Variants in SLC35F1 observed in about 807,000 individuals in gnomAD.
SLC35F1 encodes chromosome 6 open reading frame 169.
In SLC35F1, 14 loss-of-function variants were observed where a neutral mutation model predicts 48.7. That is an observed-to-expected ratio of 0.29 (90% CI 0.19 to 0.45). SLC35F1 has a LOEUF of 0.45. Ranked by LOEUF, SLC35F1 falls within the 20% of genes least tolerant of loss-of-function variation. The probability of loss-of-function intolerance (pLI) is 1.00; values close to 1 mark genes in which losing one functional copy is unlikely to be tolerated. For missense variants in SLC35F1, 404 were observed against 500.0 expected (o/e 0.81, Z 1.83); for synonymous variants, 190 against 202.2 (o/e 0.94, Z 0.51).
chr6:118,099,644 A>T (rs1166868340), intron 1 of SLC35F1, among the ~76,000 whole-genome samples: 1 of 152,116 alleles, frequency 6.6e-6, no homozygotes, highest in Non-Finnish European at 1.5e-5. Context: ...GGCTGAAGGG[A>T]GTAACCCCAA....
chr6:117,917,047 G>A (rs1775835786), intron 1 of SLC35F1, among the ~76,000 whole-genome samples: 1 of 152,200 alleles, frequency 6.6e-6, no homozygotes, highest in African/African-American at 2.4e-5. Context: ...GAATCAAAGT[G>A]GGGTGATGTG....
intron 1 of SLC35F1, among the ~76,000 whole-genome samples, chr6:117,950,863 T>A (rs1057085721): frequency 6.6e-6 from 1 of 152,194 alleles, no homozygotes; most frequent in Non-Finnish European, 1.5e-5. Context: ...TGTTGAGACA[T>A]CAATGTTGAT....
chr6:117,998,867 T>C (rs1000073250), intron 1 of SLC35F1: 3 of 619,146 alleles, frequency 4.8e-6, no homozygotes, highest in South Asian at 1.8e-5. Flanking sequence ...TTAAAAGAAC[T>C]AGAAAAGCAA....
chr6:117,936,471 A>C (rs1453253688), intron 1 of SLC35F1, among the ~76,000 whole-genome samples: 1 of 152,184 alleles, frequency 6.6e-6, no homozygotes, highest in African/African-American at 2.4e-5. Flanking sequence ...AGTGTCTCAG[A>C]GTTGCTCTCA....
At chr6:118,143,437 C>G (rs961755717) in intron 1 of SLC35F1, among the ~76,000 whole-genome samples, 8 of 152,276 alleles carry the variant, frequency 5.3e-5, no homozygotes, top group Middle Eastern at 6.8e-3. Context: ...AGTCAAAGTT[C>G]CTATTTAAAA....
chr6:118,128,488 A>G (rs1266193386), intron 1 of SLC35F1, among the ~76,000 whole-genome samples: 1 of 151,976 alleles, frequency 6.6e-6, no homozygotes, highest in Admixed American at 6.6e-5. Flanking sequence ...GCCATAAAAA[A>G]TGATGAGTTC....
intron 1 of SLC35F1, among the ~76,000 whole-genome samples, chr6:118,025,599 T>G (rs992177045): frequency 3.9e-5 from 6 of 152,204 alleles, no homozygotes; most frequent in African/African-American, 1.2e-4. Flanking sequence ...ACTTGGAATT[T>G]CTCTAGTGTG....
rs540774115 is a variant in SLC35F1 at position 117,996,937 on chromosome 6, G to A, written c.173+89038G>A. ...AAGCTGGACGGAGAATGACTTTGACGAGTTGAGAGAAGAAGGCTTCAGACG... is the reference window on the plus strand; with the variant it reads ...AAGCTGGACGGAGAATGACTTTGACAAGTTGAGAGAAGAAGGCTTCAGACG... On this transcript the variant is annotated intron_variant, in intron 1 of 7. Transcript: ENST00000360388. 1.3e-3 allele frequency among the ~76,000 whole-genome samples: 201 copies of A among 152,330 alleles called. 1 individual carries two copies. Among genetic ancestry groups the A allele is most frequent in the African/African-American group, 4.7e-3 (195 of 41,580 alleles).
At chr6:118,100,774 C>T (rs903213422) in intron 1 of SLC35F1, among the ~76,000 whole-genome samples, 1 of 152,132 alleles carries the variant, frequency 6.6e-6, no homozygotes. Context: ...CACTCTCCAG[C>T]CCCACTCTAT....
intron 1 of SLC35F1, among the ~76,000 whole-genome samples, chr6:117,952,500 A>G (rs1360375706): frequency 2.6e-5 from 4 of 152,198 alleles, no homozygotes; most frequent in Admixed American, 6.6e-5. Context: ...ATCACCTGAC[A>G]TTAACTTGGC....
At position 117,907,643 on chromosome 6, in the gene SLC35F1, CCTCTGCGCGTTCCCGGG is replaced by C; in HGVS notation, c.-82_-66del. 1.3e-5 allele frequency: 10 copies of C among 799,906 alleles called. No homozygotes were observed. The highest frequency in any genetic ancestry group is 1.4e-5 in the Non-Finnish European group (8 of 556,866). 49.6% of individuals were successfully genotyped at this position (799,906 alleles called of 1,614,324 possible). A position where few individuals can be genotyped will look rare whatever the true frequency, so the allele number is the denominator to read the frequency against. ...CCGGGCCGCGGCCGCCCGGCCGGGT[CCTCTGCGCGTTCCCGGG>C]CCCGGAACCGGCACACGATGCACCC... On this transcript the variant is annotated 5_prime_UTR_variant, in exon 1 of 8. Transcript: ENST00000360388.
At chr6:118,139,153 C>T (rs1283711543) in intron 1 of SLC35F1, among the ~76,000 whole-genome samples, 1 of 152,088 alleles carries the variant, frequency 6.6e-6, no homozygotes, top group Non-Finnish European at 1.5e-5. Context: ...CGCTCTAGTG[C>T]CCAGGCTGGA....
chr6:117,932,008 G>C (rs763709481), intron 1 of SLC35F1, among the ~76,000 whole-genome samples: 2 of 152,136 alleles, frequency 1.3e-5, no homozygotes, highest in Non-Finnish European at 2.9e-5. Context: ...AAGGTGATTA[G>C]GCCATGAGAG....
intron 1 of SLC35F1, among the ~76,000 whole-genome samples, chr6:117,971,148 C>T (rs575628773): frequency 2.0e-5 from 3 of 152,318 alleles, no homozygotes; most frequent in African/African-American, 7.2e-5. Context: ...TAAATACACC[C>T]ATTCCAAGTG....
intron 1 of SLC35F1, among the ~76,000 whole-genome samples, chr6:117,958,779 G>A (rs540127909): frequency 1.3e-5 from 2 of 152,280 alleles, no homozygotes; most frequent in South Asian, 2.1e-4. Flanking sequence ...TTTCCTCATT[G>A]TTAAGCTACA....
intron 1 of SLC35F1, among the ~76,000 whole-genome samples, chr6:118,100,405 C>T (rs745798719): frequency 1.9e-4 from 29 of 152,108 alleles, no homozygotes; most frequent in Non-Finnish European, 3.2e-4. Flanking sequence ...TCCAAGGCTA[C>T]CCTAACTTCA....
rs147473662 is a variant in SLC35F1, at chr6:118,172,827, C to A, written c.349+18207C>A. 1.7e-3 allele frequency among the ~76,000 whole-genome samples: 266 copies of A among 152,190 alleles called. 1 individual carries two copies. Among genetic ancestry groups the A allele is most frequent in the African/African-American group, 5.8e-3 (239 of 41,538 alleles). ...TGTGACTTTTTTAGGGCTGGCTATT[C>A]ATTTATTTAAGCCACAGCTCTGAAT... On this transcript the variant is annotated intron_variant, in intron 2 of 7. Coordinates refer to ENST00000360388, the MANE Select transcript of SLC35F1 (RefSeq NM_001029858.4).
At chr6:118,232,091 A>G (rs1296773008) in intron 2 of SLC35F1, among the ~76,000 whole-genome samples, 1 of 152,216 alleles carries the variant, frequency 6.6e-6, no homozygotes, top group Non-Finnish European at 1.5e-5. Context: ...CATGAAATTT[A>G]TTTATACATT....
intron 2 of SLC35F1, among the ~76,000 whole-genome samples, chr6:118,224,084 G>T (rs1438450818): frequency 6.6e-6 from 1 of 152,180 alleles, no homozygotes; most frequent in Non-Finnish European, 1.5e-5. Flanking sequence ...AAATAGTCTT[G>T]TCATTAAAAA....
Sources: allele counts gnomAD v4.1 joint callset (sites outside exome capture counted in the v4.1 genomes callset), GRCh38; gene constraint gnomAD v4.1.1; transcripts MANE v1.5; gene names NCBI Gene and HGNC (gene_info 2026-07-23, HGNC 2026-07-21).